Variants in NR6A1 observed in about 807,000 individuals in gnomAD.
NR6A1 encodes retinoic acid receptor-related testis-associated receptor.
In NR6A1, 7 loss-of-function variants were observed where a neutral mutation model predicts 59.1. The ratio of observed to expected loss-of-function variants is 0.12; its 90% CI spans 0.07 to 0.22. NR6A1 has a LOEUF of 0.22. Ranked by LOEUF, NR6A1 falls within the 10% of genes least tolerant of loss-of-function variation. The probability of loss-of-function intolerance (pLI) is 1.00; values close to 1 mark genes in which losing one functional copy is unlikely to be tolerated. For synonymous variants in NR6A1, 243 were observed against 236.1 expected, an observed-to-expected ratio of 1.03 and a Z score of -0.27; for missense variants, 468 against 611.6, an observed-to-expected ratio of 0.77 and a Z score of 2.48.
chr9:124,771,175 A>AG lies in NR6A1; in HGVS notation c.-57dup. 3 of 1,017,416 alleles carry AG rather than the reference A, an allele frequency of 2.9e-6. No homozygotes were observed. The highest frequency in any genetic ancestry group is 3.8e-6 in the Non-Finnish European group (3 of 792,036). The allele number at this position is 1,017,416 out of a possible 1,614,324, so 63.0% of individuals were successfully genotyped here. On this transcript the variant is annotated 5_prime_UTR_variant, in exon 1 of 10. Coordinates refer to ENST00000487099, the MANE Select transcript of NR6A1 (RefSeq NM_033334.4). Reference sequence around the variant, plus strand: ...GTTGCTCCGCCATGACCGGCGCCCTAGTCGCCGTGGTCGTCGTCCGCCGAG... The same window carrying AG: ...GTTGCTCCGCCATGACCGGCGCCCTAGGTCGCCGTGGTCGTCGTCCGCCGAG...
chr9:124,705,645 A>G (rs1430618872), intron 2 of NR6A1, among the ~76,000 whole-genome samples: 1 of 152,026 alleles, frequency 6.6e-6, no homozygotes, highest in Non-Finnish European at 1.5e-5. Context: ...AATAGATGGT[A>G]CATTCACATT....
At chr9:124,623,590 G>A (rs866490764) in intron 2 of NR6A1, among the ~76,000 whole-genome samples, 36 of 150,314 alleles carry the variant, frequency 2.4e-4, no homozygotes, top group African/African-American at 8.1e-4. Context: ...TTCTGGGCTC[G>A]TGTGATGCTC....
intron 2 of NR6A1, among the ~76,000 whole-genome samples, chr9:124,618,149 T>TG (rs1280314550): frequency 6.6e-6 from 1 of 152,150 alleles, no homozygotes; most frequent in Non-Finnish European, 1.5e-5. Context: ...TAAACTGAGC[T>TG]GGGGGCAAGG....
chr9:124,672,383 G>A (rs1297332434), intron 2 of NR6A1, among the ~76,000 whole-genome samples: 3 of 152,164 alleles, frequency 2.0e-5, no homozygotes, highest in African/African-American at 7.2e-5. Context: ...TTGGGAGGCC[G>A]AGGCGGGCGG....
chr9:124,565,178 C>A (rs1463551308), intron 2 of NR6A1, among the ~76,000 whole-genome samples: 3 of 152,116 alleles, frequency 2.0e-5, no homozygotes, highest in African/African-American at 7.2e-5. Flanking sequence ...CCTGTAATCC[C>A]AGCACTTTGG....
In NR6A1 at chr9:124,771,222, C is replaced by G. The variant is rs1485342930; in HGVS notation, c.-103G>C. 3.4e-6 allele frequency: 2 copies of G among 592,876 alleles called. No individual in the cohort carries two copies. Among genetic ancestry groups the G allele is most frequent in the Non-Finnish European group, 4.9e-6 (2 of 404,454 alleles). 36.7% of individuals were successfully genotyped at this position (592,876 alleles called of 1,614,324 possible). ...CGAGGGGAGGAGGTTGTCAGGAGCC[C>G]GCGAGCTCCCGGCCGCGGCTCTCTC... is the stretch of plus-strand genomic sequence containing the variant. On this transcript the variant is annotated 5_prime_UTR_variant, in exon 1 of 10. Coordinates refer to ENST00000487099, the MANE Select transcript of NR6A1 (RefSeq NM_033334.4).
chr9:124,750,821 T>C (rs1337962106), intron 1 of NR6A1, among the ~76,000 whole-genome samples: 1 of 152,010 alleles, frequency 6.6e-6, no homozygotes, highest in Non-Finnish European at 1.5e-5. Context: ...AAAGTCAAGA[T>C]TTTTAAACAA....
chr9:124,547,906 A>G (rs1020984203), intron 3 of NR6A1, among the ~76,000 whole-genome samples: 2 of 152,188 alleles, frequency 1.3e-5, no homozygotes, highest in Non-Finnish European at 2.9e-5. Context: ...TAAAATTGCT[A>G]TAAAGGACAC....
intron 2 of NR6A1, among the ~76,000 whole-genome samples, chr9:124,719,651 G>A (rs1045355346): frequency 3.3e-5 from 5 of 152,128 alleles, no homozygotes; most frequent in Non-Finnish European, 7.3e-5. Context: ...GAGCACAGTG[G>A]CTCACACCTG....
intron 2 of NR6A1, among the ~76,000 whole-genome samples, chr9:124,565,469 T>C (rs1834213155): frequency 6.7e-6 from 1 of 149,826 alleles, no homozygotes; most frequent in African/African-American, 2.5e-5. Flanking sequence ...AAAAAAAAAG[T>C]CAGAAGCAGC....
chr9:124,601,176 T>A (rs908243478), intron 2 of NR6A1, among the ~76,000 whole-genome samples: 3 of 151,992 alleles, frequency 2.0e-5, no homozygotes, highest in Admixed American at 2.0e-4. Context: ...CTTGGGAGGC[T>A]GAGGCAGGAG....
intron 2 of NR6A1, among the ~76,000 whole-genome samples, chr9:124,648,210 A>G (rs1341271817): frequency 1.3e-5 from 2 of 152,186 alleles, no homozygotes; most frequent in Non-Finnish European, 2.9e-5. Context: ...AAACCAGGTG[A>G]GACATAGTGG....
intron 4 of NR6A1, among the ~76,000 whole-genome samples, 154 bp from the exon 5 acceptor site, chr9:124,540,341 C>T (rs563755244): frequency 4.6e-5 from 7 of 152,286 alleles, no homozygotes; most frequent in South Asian, 2.1e-4. Flanking sequence ...AATCTTAGGA[C>T]GGCGTGGCTT....
At chr9:124,717,560 A>T (rs1839440002) in intron 2 of NR6A1, among the ~76,000 whole-genome samples, 1 of 152,224 alleles carries the variant, frequency 6.6e-6, no homozygotes, top group South Asian at 2.1e-4. Context: ...TTTTTGGGGT[A>T]AGTAGTGGGA....
intron 4 of NR6A1, among the ~76,000 whole-genome samples, chr9:124,541,059 A>T (rs998340689): frequency 3.9e-5 from 6 of 152,330 alleles, no homozygotes; most frequent in African/African-American, 1.4e-4. Context: ...AATCTTCATA[A>T]AACTGGTCTT....
intron 1 of NR6A1, among the ~76,000 whole-genome samples, chr9:124,744,313 A>G (rs1013093315): frequency 1.3e-5 from 2 of 152,216 alleles, no homozygotes; most frequent in African/African-American, 4.8e-5. Context: ...GTATACAATA[A>G]TCTGTCAGTT....
chr9:124,566,901 G>A (rs1183222019), intron 2 of NR6A1, among the ~76,000 whole-genome samples: 1 of 152,152 alleles, frequency 6.6e-6, no homozygotes, highest in East Asian at 1.9e-4. Context: ...GAGGTCAGGA[G>A]ATAGAGACCA....
rs1366838688 is a variant in NR6A1 at position 124,736,541 on chromosome 9, G to A, written c.101-3192C>T. Among the ~76,000 whole-genome samples the A allele has an allele frequency of 2.0e-5, 3 of 152,084 alleles. No homozygotes were observed. In the South Asian group the frequency reaches 6.2e-4, roughly 32 times the overall value. On this transcript the variant is annotated intron_variant, in intron 1 of 9. Transcript: ENST00000487099. ...TCAACAACAGCACCTACCTTATGGG[G>A]ATGTCAAAAGAATTAAATGAGACCA...
intron 1 of NR6A1, among the ~76,000 whole-genome samples, chr9:124,753,779 T>C (rs1165061103): frequency 6.6e-6 from 1 of 152,176 alleles, no homozygotes; most frequent in Non-Finnish European, 1.5e-5. Context: ...TTCCTGTATA[T>C]CAGAGACAGG....
Sources: allele counts gnomAD v4.1 joint callset (sites outside exome capture counted in the v4.1 genomes callset), GRCh38; gene constraint gnomAD v4.1.1; transcripts MANE v1.5; gene names NCBI Gene and HGNC (gene_info 2026-07-23, HGNC 2026-07-21).